The following RAB14 variants were observed in gnomAD, a reference collection of about 807,000 sequenced individuals.
The protein encoded by RAB14 is ras-related protein Rab-14.
In RAB14, 3 loss-of-function variants were observed where a neutral mutation model predicts 31.1. The ratio of observed to expected loss-of-function variants is 0.10; its 90% confidence interval spans 0.04 to 0.25. The LOEUF is 0.25. RAB14 is among the 10% of genes least tolerant of loss of function. RAB14 has a pLI of 1.00. For missense variants in RAB14, 111 were observed against 260.1 expected, an observed-to-expected ratio of 0.43 and a Z score of 3.94; for synonymous variants, 85 against 84.9, an observed-to-expected ratio of 1.00 and a Z score of 0.00.
At chr9:121,191,328 TG>T (rs543265744) in intron 3 of RAB14, among the ~76,000 whole-genome samples, 11 of 152,184 alleles carry the variant, frequency 7.2e-5, no homozygotes, top group African/African-American at 2.4e-4. Context: ...AAAATCAGCA[TG>T]TTTTATATAT....
intron 7 of RAB14, among the ~76,000 whole-genome samples, 171 bp from the exon 8 acceptor site, chr9:121,181,744 CTTTTTT>C (rs3838268): frequency 2.9e-5 from 3 of 102,898 alleles, no homozygotes; most frequent in South Asian, 8.3e-4. Context: ...AACTATTTTC[CTTTTTT>C]TTTTTTTTTT....
intron 2 of RAB14, among the ~76,000 whole-genome samples, chr9:121,192,491 A>AT (rs972722856): frequency 2.0e-5 from 3 of 151,846 alleles, no homozygotes; most frequent in East Asian, 1.9e-4. Flanking sequence ...TTTTAATGGA[A>AT]TTTTTTTTAC....
chr9:121,181,668 G>A, intron 7 of RAB14, 95 bp from the exon 8 acceptor site: 1 of 913,662 alleles, frequency 1.1e-6, no homozygotes, highest in South Asian at 2.1e-5. Context: ...CTGCCATGAT[G>A]TCTCCAACTT....
intron 1 of RAB14, among the ~76,000 whole-genome samples, chr9:121,201,084 C>T (rs2053768745): frequency 6.6e-6 from 1 of 152,108 alleles, no homozygotes; most frequent in Non-Finnish European, 1.5e-5. Context: ...GGCCCGGCTG[C>T]AGGGCCGGGC....
At chr9:121,181,744 C>CTT (rs3838268) in intron 7 of RAB14, among the ~76,000 whole-genome samples, 171 bp from the exon 8 acceptor site, 27,287 of 102,172 alleles carry the variant, frequency 0.27, 5,775 homozygotes, top group South Asian at 0.57. Flanking sequence ...AACTATTTTC[C>CTT]TTTTTTTTTT....
chr9:121,183,036 A>G, intron 6 of RAB14, 76 bp from the exon 7 acceptor site: 1 of 1,410,038 alleles, frequency 7.1e-7, no homozygotes, highest in Non-Finnish European at 9.8e-7. Context: ...AACATCTGAA[A>G]AAGTTTCCCA....
chr9:121,194,919 T>C (rs1346170585), intron 1 of RAB14, among the ~76,000 whole-genome samples: 1 of 152,172 alleles, frequency 6.6e-6, no homozygotes, highest in Non-Finnish European at 1.5e-5. Flanking sequence ...TTAGTGAAAG[T>C]AGAAGCCTTG....
At chr9:121,201,567 A>C (rs1026857989) in intron 1 of RAB14, 72 bp downstream of exon 1, 1 of 152,370 alleles carries the variant, frequency 6.6e-6, no homozygotes, top group Non-Finnish European at 1.5e-5. Flanking sequence ...CACCGTCCCC[A>C]CACACGCCCC....
chr9:121,195,797 T>C (rs1212201916), intron 1 of RAB14, among the ~76,000 whole-genome samples: 2 of 152,138 alleles, frequency 1.3e-5, no homozygotes, highest in South Asian at 4.1e-4. Flanking sequence ...CATTTAACAC[T>C]GTAGCCACCA....
At chr9:121,191,272 G>T (rs981670314) in intron 3 of RAB14, among the ~76,000 whole-genome samples, 1 of 152,124 alleles carries the variant, frequency 6.6e-6, no homozygotes, top group African/African-American at 2.4e-5. Context: ...CCTAGGAGTT[G>T]TTAGTCAAAC....
chr9:121,201,170 G>A (rs542264052), intron 1 of RAB14, among the ~76,000 whole-genome samples: 1 of 152,308 alleles, frequency 6.6e-6, no homozygotes, highest in African/African-American at 2.4e-5. Context: ...TGTACTCAGA[G>A]CCAGACGCGG....
intron 1 of RAB14, among the ~76,000 whole-genome samples, chr9:121,194,759 A>G (rs1255738613): frequency 6.6e-6 from 1 of 152,204 alleles, no homozygotes; most frequent in African/African-American, 2.4e-5. Context: ...ATTTCAAGCA[A>G]AAGTTCTATA....
rs2053786097 is a variant in RAB14, at chr9:121,201,647, T to C, written c.-16A>G. The C allele has an allele frequency of 6.6e-6, 1 of 151,510 alleles. No homozygotes were observed. Among genetic ancestry groups the C allele is most frequent in the South Asian group, 2.1e-4 (1 of 4,758 alleles). 9.4% of individuals were successfully genotyped at this position (151,510 alleles called of 1,614,324 possible). A position where few individuals can be genotyped will look rare whatever the true frequency, so the allele number is the denominator to read the frequency against. ...CGGAAGGCCCGGGTTACCTGGGGGG[T>C]TGCTGGTGGCTGGGCAGCTTTCCGG... On this transcript the variant is annotated 5_prime_UTR_variant, in exon 1 of 8. Coordinates refer to ENST00000373840, the MANE Select transcript of RAB14 (RefSeq NM_016322.4).
At chr9:121,196,986 A>C (rs2053720962) in intron 1 of RAB14, among the ~76,000 whole-genome samples, 1 of 152,150 alleles carries the variant, frequency 6.6e-6, no homozygotes. Flanking sequence ...AAATTCACTC[A>C]TTTGGCCAAT....
intron 1 of RAB14, among the ~76,000 whole-genome samples, chr9:121,196,257 A>C (rs1157600872): frequency 4.6e-5 from 7 of 152,120 alleles, no homozygotes; most frequent in Admixed American, 4.6e-4. Flanking sequence ...TTTATTCCAC[A>C]TTTTACAGAA....
chr9:121,192,365 A>G (rs999464935), intron 2 of RAB14, 141 bp from the exon 3 acceptor site: 2 of 487,652 alleles, frequency 4.1e-6, no homozygotes, highest in African/African-American at 2.0e-5. Context: ...ATAATGATTC[A>G]AAAGTTTTCA....
intron 1 of RAB14, among the ~76,000 whole-genome samples, chr9:121,199,841 C>G (rs892636248): frequency 1.3e-5 from 2 of 152,170 alleles, no homozygotes; most frequent in Non-Finnish European, 2.9e-5. Context: ...CGTGGTCATA[C>G]TACTACTAAA....
At chr9:121,191,643 C>T (rs1482223296) in intron 3 of RAB14, among the ~76,000 whole-genome samples, 1 of 152,130 alleles carries the variant, frequency 6.6e-6, no homozygotes, top group East Asian at 1.9e-4. Context: ...GACTTCTGGG[C>T]ACTTCATAAA....
At chr9:121,200,286 G>A (rs1032805053) in intron 1 of RAB14, among the ~76,000 whole-genome samples, 2 of 152,226 alleles carry the variant, frequency 1.3e-5, no homozygotes, top group African/African-American at 4.8e-5. Flanking sequence ...CTGGATTACT[G>A]CAAGGTCAAG....
Sources: allele counts gnomAD v4.1 joint callset (sites outside exome capture counted in the v4.1 genomes callset), GRCh38; gene constraint gnomAD v4.1.1; transcripts MANE v1.5; gene names NCBI Gene and HGNC (gene_info 2026-07-23, HGNC 2026-07-21).